Variants in FAM186B observed in about 807,000 individuals in gnomAD.
FAM186B encodes protein FAM186B.
In FAM186B, 68 loss-of-function variants were observed where a neutral mutation model predicts 83.4. The observed-to-expected ratio is 0.81, with a 90% CI of 0.67 to 1.00. The LOEUF (loss-of-function observed/expected upper bound fraction) is 1.00. Ranked by LOEUF, FAM186B falls within the 50% of genes least tolerant of loss-of-function variation. The pLI is 0.00. For synonymous variants in FAM186B, 389 were observed against 422.0 expected, an observed-to-expected ratio of 0.92 and a Z score of 0.96; for missense variants, 983 against 1,099.2, an observed-to-expected ratio of 0.89 and a Z score of 1.49.
At chr12:49,615,788 CAAAAAGAAAAAAA>C in the FAM186B span, among the ~76,000 whole-genome samples, 15 of 141,188 alleles carry the variant, frequency 1.1e-4, no homozygotes, top group African/African-American at 2.9e-4. Flanking sequence ...GATTGTGTCT[CAAAAAGAAAAAAA>C]AAAAAGAAAA....
intron 1 of FAM186B, 99 bp downstream of exon 1, chr12:49,605,283 T>G: frequency 6.5e-7 from 1 of 1,547,062 alleles, no homozygotes; most frequent in Non-Finnish European, 8.7e-7. Flanking sequence ...CCAGGGCCTC[T>G]GAGGACCCAG....
chr12:49,588,421 C>T lies in FAM186B; in HGVS notation c.2534+33G>A, dbSNP rs10467104. On this transcript the variant is annotated intron_variant, in intron 6 of 6. Transcript: ENST00000257894. ...CCTGCTCCCTGCCTCTTCACCCATA[C>T]AGCTGCTGCCCCCTCAGCTTCCCAG... 375 of 1,586,276 alleles carry T rather than the reference C, an allele frequency of 2.4e-4. 1 individual carries two copies. The African/African-American group carries it at 4.4e-3, about 18-fold the overall frequency.
At position 49,604,292 on chromosome 12, in the gene FAM186B, G is replaced by A. The variant is rs370633377; in HGVS notation, c.322+21C>T. 3.7e-5 allele frequency: 60 copies of A among 1,604,128 alleles called. No individual in the cohort carries two copies. In the South Asian group the frequency reaches 4.1e-4, roughly 11 times the overall value. ...ACACTCCCCTCCCAGAGGAGGCACGGTGCCCAGCCTGCAAACTCACCCCAG... is the reference window on the plus strand; with the variant it reads ...ACACTCCCCTCCCAGAGGAGGCACGATGCCCAGCCTGCAAACTCACCCCAG... On this transcript the variant is annotated intron_variant, in intron 2 of 6. Coordinates refer to ENST00000257894, the MANE Select transcript of FAM186B (RefSeq NM_032130.3).
chr12:49,613,253 T>C, the FAM186B span, among the ~76,000 whole-genome samples: 1 of 152,086 alleles, frequency 6.6e-6, no homozygotes, highest in Admixed American at 6.6e-5. Flanking sequence ...CTCGGCCTGG[T>C]GCAGTGGTTC....
the FAM186B span, among the ~76,000 whole-genome samples, chr12:49,622,349 A>G: frequency 6.6e-6 from 1 of 152,222 alleles, no homozygotes; most frequent in Non-Finnish European, 1.5e-5. Context: ...GTCTCCAAAA[A>G]GTTACAAAAT....
chr12:49,619,817 G>A, the FAM186B span, among the ~76,000 whole-genome samples: 1 of 151,646 alleles, frequency 6.6e-6, no homozygotes, highest in African/African-American at 2.4e-5. Flanking sequence ...TAGGATTACA[G>A]GTGATCGCCA....
upstream of FAM186B, among the ~76,000 whole-genome samples, chr12:49,610,412 C>T (rs1429009157): frequency 1.3e-5 from 2 of 152,182 alleles, no homozygotes; most frequent in African/African-American, 4.8e-5. Flanking sequence ...CAAGGTTGAA[C>T]ATCAACCTAA....
At chr12:49,604,159 T>G (rs965112170) in intron 2 of FAM186B, 154 bp downstream of exon 2, 2 of 626,228 alleles carry the variant, frequency 3.2e-6, no homozygotes, top group African/African-American at 3.7e-5. Flanking sequence ...TTTGGACACT[T>G]CTGTGTCTGC....
intron 3 of FAM186B, among the ~76,000 whole-genome samples, chr12:49,602,048 T>C (rs999326445): frequency 7.2e-5 from 11 of 152,240 alleles, no homozygotes; most frequent in Non-Finnish European, 1.3e-4. Flanking sequence ...TGATTTGCCT[T>C]GGGCAATTTT....
downstream of FAM186B, among the ~76,000 whole-genome samples, chr12:49,585,785 G>T (rs766709679): frequency 5.9e-5 from 9 of 152,376 alleles, no homozygotes; most frequent in Non-Finnish European, 1.3e-4. Flanking sequence ...GCAGGTGGAT[G>T]TGAGGATCCA....
In FAM186B at chr12:49,605,483, A is replaced by G. The variant is rs773471676; in HGVS notation, c.-6T>C. On this transcript the variant is annotated 5_prime_UTR_variant, in exon 1 of 7. Transcript: ENST00000257894. Reference sequence around the variant, plus strand: ...GGGGGGTCATCCTTCTCCATTTTGGATCACTCTGTCAGTCACAAAACATCC... The same window carrying G: ...GGGGGGTCATCCTTCTCCATTTTGGGTCACTCTGTCAGTCACAAAACATCC... 4 of 1,612,290 alleles carry G rather than the reference A, an allele frequency of 2.5e-6. No homozygotes were observed. Among genetic ancestry groups the G allele is most frequent in the Non-Finnish European group, 3.4e-6 (4 of 1,179,274 alleles).
At chr12:49,595,496 T>G (rs1337438238) in intron 5 of FAM186B, 3 of 468,590 alleles carry the variant, frequency 6.4e-6, no homozygotes, top group Non-Finnish European at 1.3e-5. Flanking sequence ...GTTACAACAC[T>G]CCCGCTTGCT....
intron 5 of FAM186B, chr12:49,595,301 C>CA (rs779496038): frequency 1.0e-5 from 7 of 672,452 alleles, no homozygotes; most frequent in South Asian, 1.4e-5. Flanking sequence ...CTTGAAGATG[C>CA]AAAAAAAGAG....
At chr12:49,612,467 C>T in the FAM186B span, among the ~76,000 whole-genome samples, 1 of 149,906 alleles carries the variant, frequency 6.7e-6, no homozygotes, top group Non-Finnish European at 1.5e-5. Flanking sequence ...TGGCCCAGGA[C>T]AGCTTTGAAT....
chr12:49,606,722 G>A (rs960951056), upstream of FAM186B, among the ~76,000 whole-genome samples: 1 of 152,120 alleles, frequency 6.6e-6, no homozygotes, highest in African/African-American at 2.4e-5. Context: ...GGAGTTGATA[G>A]AAGTAGCAAA....
intron 5 of FAM186B, among the ~76,000 whole-genome samples, chr12:49,589,656 CAAA>C (rs1425878605): frequency 3.3e-5 from 5 of 151,338 alleles, no homozygotes; most frequent in Admixed American, 2.0e-4. Context: ...AAAAAAAAGA[CAAA>C]GAAGTTAAAT....
At position 49,587,632 on chromosome 12, in the gene FAM186B, A is replaced by T; in HGVS notation, c.2655T>A (p.Ile885=). The T allele has an allele frequency of 6.2e-7, 1 of 1,612,872 alleles. No individual in the cohort carries two copies. The highest frequency in any genetic ancestry group is 1.1e-5 in the South Asian group (1 of 91,034). ...PRDQLRGHPD[I]PRLLTLDV is the part of the protein sequence containing the mutation. ...ACACGTCCAGTGTCAACAGCCGGGG[A>T]ATATCTGGGTGTCCCCTCAGCTGGT... The change falls in exon 7 of 7, where the codon ATT becomes ATA. Residue 885 remains isoleucine (I), a synonymous_variant. Transcript: ENST00000257894.
chr12:49,611,108 T>G, the FAM186B span, among the ~76,000 whole-genome samples: 1 of 151,848 alleles, frequency 6.6e-6, no homozygotes, highest in Admixed American at 6.6e-5. Flanking sequence ...CACAGTGGTT[T>G]ATGCCTGTAA....
At chr12:49,608,491 CAA>C (rs546459596), upstream of FAM186B, among the ~76,000 whole-genome samples, 10 of 80,992 alleles carry the variant, frequency 1.2e-4, no homozygotes, top group Non-Finnish European at 1.6e-4. Context: ...ACTCCGTCTC[CAA>C]AAAAAAAAAA....
Sources: gnomAD v4.1 joint callset for allele counts (sites outside exome capture counted in the v4.1 genomes callset) on GRCh38, gnomAD v4.1.1 for gene constraint, MANE v1.5 for transcripts, NCBI Gene and HGNC (gene_info 2026-07-23, HGNC 2026-07-21) for gene names.